TTLL13: variants seen among roughly 807,000 people sequenced by gnomAD.
The protein encoded by TTLL13 is tubulin tyrosine ligase like 13.
the TTLL13 span, chr15:90,256,112 C>T: frequency 9.9e-6 from 16 of 1,610,380 alleles, no homozygotes; most frequent in Non-Finnish European, 1.2e-5. Context: ...TGCACAGAAA[C>T]CTTTTGACCA....
chr15:90,251,705 G>A, the TTLL13 span: 40 of 1,256,538 alleles, frequency 3.2e-5, no homozygotes, highest in African/African-American at 3.0e-4. Flanking sequence ...GGGGCCTGGC[G>A]GGCTTGCCTC....
At chr15:90,257,823 G>A in the TTLL13 span, 22 of 1,234,360 alleles carry the variant, frequency 1.8e-5, no homozygotes, top group Non-Finnish European at 2.4e-5. Flanking sequence ...AATTGCCCAG[G>A]GAAACTCAGC....
the TTLL13 span, among the ~76,000 whole-genome samples, chr15:90,254,491 TAAAA>T: frequency 4.7e-5 from 4 of 84,234 alleles, no homozygotes; most frequent in African/African-American, 8.6e-5. Context: ...AGACTCCATC[TAAAA>T]AAAAAAAAAA....
chr15:90,256,497 A>T, the TTLL13 span, among the ~76,000 whole-genome samples: 2 of 151,892 alleles, frequency 1.3e-5, no homozygotes, highest in African/African-American at 2.4e-5. Context: ...CAGATATGTG[A>T]CCTTGGGCAA....
At chr15:90,258,917 C>T in the TTLL13 span, 87 of 1,614,010 alleles carry the variant, frequency 5.4e-5, no homozygotes, top group Middle Eastern at 1.6e-4. Flanking sequence ...CCGACAGCCA[C>T]GAGAATCTAG....
chr15:90,262,971 G>T, the TTLL13 span: 2 of 1,535,622 alleles, frequency 1.3e-6, no homozygotes, highest in South Asian at 2.4e-5. Context: ...TGTAGCTGCT[G>T]CCGGGACAGC....
chr15:90,254,390 G>A, the TTLL13 span, among the ~76,000 whole-genome samples: 1 of 149,326 alleles, frequency 6.7e-6, no homozygotes, highest in Non-Finnish European at 1.5e-5. Context: ...CTATTTAGGA[G>A]GCTGAGGCAG....
At chr15:90,250,436 C>T in the TTLL13 span, among the ~76,000 whole-genome samples, 1 of 152,152 alleles carries the variant, frequency 6.6e-6, no homozygotes, top group Admixed American at 6.6e-5. Context: ...GTCTTCCACC[C>T]CCATGCACCT....
chr15:90,258,303 G>C, the TTLL13 span: 1 of 1,589,094 alleles, frequency 6.3e-7, no homozygotes, highest in South Asian at 1.1e-5. Flanking sequence ...GCAAAACCAA[G>C]GTCCAGAGGC....
chr15:90,256,916 G>C, the TTLL13 span, among the ~76,000 whole-genome samples: 2 of 152,006 alleles, frequency 1.3e-5, no homozygotes, highest in Non-Finnish European at 2.9e-5. Context: ...TTGAACTCCT[G>C]AACTCGTGAT....
At chr15:90,259,043 T>G in the TTLL13 span, 1 of 1,563,260 alleles carries the variant, frequency 6.4e-7, no homozygotes, top group East Asian at 2.3e-5. Flanking sequence ...ACTTTTTGCA[T>G]AGATAATATG....
the TTLL13 span, among the ~76,000 whole-genome samples, chr15:90,260,151 G>A: frequency 1.3e-5 from 2 of 152,140 alleles, no homozygotes; most frequent in Non-Finnish European, 2.9e-5. Flanking sequence ...GAACAGTACT[G>A]GACTAAATAA....
chr15:90,251,689 GC>G, the TTLL13 span: 122 of 1,424,590 alleles, frequency 8.6e-5, no homozygotes, highest in African/African-American at 1.4e-3. Flanking sequence ...CAGGCTTCCA[GC>G]CCCTGGGGCC....
At chr15:90,252,407 C>G in the TTLL13 span, among the ~76,000 whole-genome samples, 4 of 152,230 alleles carry the variant, frequency 2.6e-5, no homozygotes, top group African/African-American at 9.6e-5. Context: ...TCTTGAACTC[C>G]TGGGCTCAAG....
chr15:90,252,387 C>T, the TTLL13 span, among the ~76,000 whole-genome samples: 1 of 151,862 alleles, frequency 6.6e-6, no homozygotes, highest in Non-Finnish European at 1.5e-5. Flanking sequence ...TGCTATGTTG[C>T]CCAGGCTGGT....
At chr15:90,257,024 T>A in the TTLL13 span, 1 of 1,057,350 alleles carries the variant, frequency 9.5e-7, no homozygotes, top group Non-Finnish European at 1.4e-6. Context: ...ACAGTAACTA[T>A]TTTACATGGT....
At chr15:90,253,475 T>G in the TTLL13 span, 1 of 644,076 alleles carries the variant, frequency 1.6e-6, no homozygotes, top group Non-Finnish European at 2.5e-6. Flanking sequence ...GCTGTCCCCT[T>G]GTGCAGACAA....
chr15:90,250,508 T>G, the TTLL13 span: 1 of 1,277,494 alleles, frequency 7.8e-7, no homozygotes, highest in Non-Finnish European at 1.1e-6. Context: ...GGGCAGCAAC[T>G]TTCCCTTATA....
chr15:90,262,349 T>C, the TTLL13 span: 6 of 1,136,232 alleles, frequency 5.3e-6, no homozygotes, highest in Non-Finnish European at 7.2e-6. Flanking sequence ...TTTAGTAGGT[T>C]TCCTATCTTC....
Sources: gnomAD v4.1 joint callset for allele counts (sites outside exome capture counted in the v4.1 genomes callset) on GRCh38, gnomAD v4.1.1 for gene constraint, MANE v1.5 for transcripts, NCBI Gene and HGNC (gene_info 2026-07-23, HGNC 2026-07-21) for gene names.